Variants in PLCE1 observed in about 807,000 individuals in gnomAD.
The protein encoded by PLCE1 is phospholipase C epsilon 1.
Under a neutral mutation model 242.8 loss-of-function variants are expected in PLCE1, and 119 were observed. That is an observed-to-expected ratio of 0.49 (90% CI 0.42 to 0.57). The LOEUF (loss-of-function observed/expected upper bound fraction) is 0.57, where lower values mean the gene tolerates loss of function less well. Among genes scored for constraint, PLCE1 ranks in the 20% least tolerant of loss-of-function variants. PLCE1 has a pLI of 0.00. For synonymous variants in PLCE1, 945 were observed against 1,017.4 expected, an observed-to-expected ratio of 0.93 and a Z score of 1.35; for missense variants, 2,441 against 2,788.8, an observed-to-expected ratio of 0.88 and a Z score of 2.81.
At position 94,064,835 on chromosome 10, in the gene PLCE1, A is replaced by G. The variant is rs545436413; in HGVS notation, c.1206+32583A>G. 2.6e-5 allele frequency among the ~76,000 whole-genome samples: 4 copies of G among 152,280 alleles called. No homozygotes were observed. In the South Asian group the frequency reaches 8.3e-4, roughly 32 times the overall value. Reference sequence around the variant, plus strand: ...TGTGCAGTAAGAAACAGAGTAGCCCAAGCCCTTTTTCAGCTGTGTCCCACC... The same window carrying G: ...TGTGCAGTAAGAAACAGAGTAGCCCGAGCCCTTTTTCAGCTGTGTCCCACC... On this transcript the variant is annotated intron_variant, in intron 2 of 32. Coordinates refer to ENST00000371380, the MANE Select transcript of PLCE1 (RefSeq NM_016341.4).
At chr10:94,227,523 G>C (rs1418686388) in intron 5 of PLCE1, 72 bp downstream of exon 5, 2 of 1,381,444 alleles carry the variant, frequency 1.4e-6, no homozygotes, top group African/African-American at 2.8e-5. Context: ...TGAATTAATT[G>C]TCCAGGGACT....
In PLCE1 at chr10:94,236,052, CGAG is replaced by C. The variant is rs1203596098; in HGVS notation, c.2358_2360del (p.Glu786del). The C allele has an allele frequency of 4.3e-6, 7 of 1,613,878 alleles. No homozygotes were observed. Among genetic ancestry groups the C allele is most frequent in the African/African-American group, 2.7e-5 (2 of 74,904 alleles). On this transcript the variant is annotated inframe_deletion, in exon 7 of 33. Transcript: ENST00000371380. The stretch of plus-strand genomic sequence containing the variant: ...GCTGCAATCGAAGTCTGGAGACAGA[CGAG>C]GAGGACAGCCCCAGTGAAGGAAACA...
chr10:94,222,992 G>T (rs542977147), intron 4 of PLCE1, among the ~76,000 whole-genome samples: 68 of 152,148 alleles, frequency 4.5e-4, no homozygotes, highest in Middle Eastern at 3.4e-3. Context: ...TCTATGGAGA[G>T]GGCACAGCTG....
At position 94,008,920 on chromosome 10, in the gene PLCE1, G is replaced by T. The variant is rs573960438; in HGVS notation, c.-365+14662G>T. 5.5e-4 allele frequency among the ~76,000 whole-genome samples: 84 copies of T among 152,174 alleles called. 1 individual carries two copies. Among genetic ancestry groups the T allele is most frequent in the Admixed American group, 7.9e-4 (12 of 15,276 alleles). On this transcript the variant is annotated intron_variant, in intron 1 of 32. Coordinates refer to ENST00000371380, the MANE Select transcript of PLCE1 (RefSeq NM_016341.4). ...TGAGCCGTGTGTATGGGTTTTGCAG[G>T]GTGGAACCATGGATGGGTGCTAGAG...
rs187618750 is a variant in PLCE1, at chr10:94,070,043, C to A, written c.1206+37791C>A. Among the ~76,000 whole-genome samples, 9 of 152,206 alleles carry A rather than the reference C, an allele frequency of 5.9e-5. No homozygotes were observed. In the East Asian group the frequency reaches 1.2e-3, roughly 20 times the overall value. ...CCTTCAATTAAAAACTGTTTTAAAGCGTGCTTATCAAGGTTGGCTAGTCTC... is the reference window on the plus strand; with the variant it reads ...CCTTCAATTAAAAACTGTTTTAAAGAGTGCTTATCAAGGTTGGCTAGTCTC... On this transcript the variant is annotated intron_variant, in intron 2 of 32. Transcript: ENST00000371380.
chr10:94,026,110 A>G (rs1000879395), intron 1 of PLCE1, among the ~76,000 whole-genome samples: 1 of 152,112 alleles, frequency 6.6e-6, no homozygotes, highest in African/African-American at 2.4e-5. Flanking sequence ...TAGCCCATGA[A>G]AACACCCATC....
chr10:94,256,488 G>T lies in PLCE1; in HGVS notation c.3554+1439G>T, dbSNP rs1589429489. Among the ~76,000 whole-genome samples, 4 of 152,176 alleles carry T rather than the reference G, an allele frequency of 2.6e-5. No individual in the cohort carries two copies. In the East Asian group the frequency reaches 7.7e-4, roughly 29 times the overall value. On this transcript the variant is annotated intron_variant, in intron 11 of 32. Coordinates refer to ENST00000371380, the MANE Select transcript of PLCE1 (RefSeq NM_016341.4). ...TACATTCACATTCTACAATGGGTGA[G>T]CATGGGTCAAGGTTATATGGGAATT...
At chr10:94,259,330 C>G (rs1306220829) in intron 13 of PLCE1, among the ~76,000 whole-genome samples, 180 bp downstream of exon 13, 1 of 151,254 alleles carries the variant, frequency 6.6e-6, no homozygotes, top group East Asian at 1.9e-4. Flanking sequence ...GTAGCCCAGG[C>G]TGGAGTGCAG....
chr10:94,111,429 T>C (rs1048830810), intron 2 of PLCE1, among the ~76,000 whole-genome samples: 1 of 152,176 alleles, frequency 6.6e-6, no homozygotes, highest in African/African-American at 2.4e-5. Flanking sequence ...TGCAGTTGAC[T>C]AGACATTGTG....
At chr10:94,044,776 A>G (rs1219508874) in intron 2 of PLCE1, among the ~76,000 whole-genome samples, 5 of 152,164 alleles carry the variant, frequency 3.3e-5, no homozygotes, top group African/African-American at 4.8e-5. Context: ...AAGCACATGG[A>G]ACAGAAGCAG....
intron 16 of PLCE1, among the ~76,000 whole-genome samples, chr10:94,267,053 G>A (rs915850441): frequency 7.2e-5 from 11 of 152,006 alleles, no homozygotes; most frequent in South Asian, 2.1e-4. Flanking sequence ...CCCTCCCTTC[G>A]CACACAGAAT....
chr10:94,234,616 G>A (rs1335980161), intron 6 of PLCE1, among the ~76,000 whole-genome samples: 2 of 152,118 alleles, frequency 1.3e-5, no homozygotes, highest in African/African-American at 4.8e-5. Flanking sequence ...TTATTGGGTG[G>A]GAATGTCTGG....
intron 3 of PLCE1, among the ~76,000 whole-genome samples, chr10:94,134,937 T>A (rs557036557): frequency 6.6e-6 from 1 of 152,368 alleles, no homozygotes; most frequent in Non-Finnish European, 1.5e-5. Context: ...TAGAAACTCC[T>A]GCTGAATAAT....
In PLCE1 at chr10:94,262,659, T is replaced by G. The variant is rs1345048932; in HGVS notation, c.3980T>G (p.Leu1327Arg). The G allele has an allele frequency of 2.5e-6, 4 of 1,614,096 alleles. No homozygotes were observed. In the East Asian group the frequency reaches 8.9e-5, roughly 36 times the overall value. Reference sequence around the variant, plus strand: ...CTGGGCATTTTTGGGGTGGGCATACTTCAGCTCAACGATTTCCTCGTGAAT... The same window carrying G: ...CTGGGCATTTTTGGGGTGGGCATACGTCAGCTCAACGATTTCCTCGTGAAT... Reference protein sequence around the residue: ...TSLGIFGVGILQLNDFLVNCQ... With the variant: ...TSLGIFGVGIRQLNDFLVNCQ... Residue 1327 changes from leucine (L) to arginine (R), a missense_variant, in exon 14 of 33, where the codon CTT becomes CGT. By Grantham distance (102) the Leu-to-Arg change is moderately radical (BLOSUM62 -2). Around this residue, in one of 5 missense-constraint regions of PLCE1, gnomAD observed 1,004 missense variants for 1,322.7 expected, o/e 0.76. Transcript: ENST00000371380.
intron 21 of PLCE1, 125 bp downstream of exon 21, chr10:94,284,036 G>A: frequency 8.8e-7 from 1 of 1,135,408 alleles, no homozygotes; most frequent in Non-Finnish European, 1.3e-6. Flanking sequence ...TTAGATACCT[G>A]CCAAAGTTCA....
intron 2 of PLCE1, among the ~76,000 whole-genome samples, chr10:94,113,772 T>C (rs1564700653): frequency 6.6e-6 from 1 of 152,060 alleles, no homozygotes; most frequent in East Asian, 1.9e-4. Flanking sequence ...CAGGGAAGCT[T>C]GGGCTTGTTG....
intron 2 of PLCE1, among the ~76,000 whole-genome samples, chr10:94,131,720 T>C (rs1440552862): frequency 6.6e-6 from 1 of 152,178 alleles, no homozygotes. Flanking sequence ...CCCATGACCC[T>C]CTCATCCTCA....
chr10:94,325,205 G>C (rs1336930471), intron 32 of PLCE1, 101 bp downstream of exon 32: 4 of 880,824 alleles, frequency 4.5e-6, no homozygotes, highest in Non-Finnish European at 7.5e-6. Flanking sequence ...TCCAACAGGA[G>C]GATGTCCCTT....
rs971116736 is a variant in PLCE1 at position 94,086,494 on chromosome 10, G to A, written c.1207-45680G>A. On this transcript the variant is annotated intron_variant, in intron 2 of 32. Transcript: ENST00000371380. The stretch of plus-strand genomic sequence containing the variant: ...TTTCTCACTTGCCTAAGCTCCCATT[G>A]TCCTTTATATCTCTGTTGTAACACT... 3.9e-5 allele frequency among the ~76,000 whole-genome samples: 6 copies of A among 152,160 alleles called. No homozygotes were observed. In the East Asian group the frequency reaches 1.2e-3, roughly 29 times the overall value.
Sources: allele counts gnomAD v4.1 joint callset (sites outside exome capture counted in the v4.1 genomes callset), GRCh38; gene constraint gnomAD v4.1.1; regional missense constraint gnomAD v4.1.1; transcripts MANE v1.5; gene names NCBI Gene and HGNC (gene_info 2026-07-23, HGNC 2026-07-21).